LUZP2: variants seen among roughly 807,000 people sequenced by gnomAD.
LUZP2 encodes the protein leucine zipper protein 2.
A neutral mutation model predicts 51.6 loss-of-function variants in LUZP2; 52 were observed. That is an observed-to-expected ratio of 1.01 (90% CI 0.81 to 1.27). The LOEUF (loss-of-function observed/expected upper bound fraction) is 1.27, where lower values mean the gene tolerates loss of function less well. LUZP2 is among the 50% of genes most tolerant of loss of function. The pLI is 0.00. For missense variants in LUZP2, 436 were observed against 395.4 expected (o/e 1.10, Z -0.87); for synonymous variants, 154 against 137.3 (o/e 1.12, Z -0.85).
intron 5 of LUZP2, among the ~76,000 whole-genome samples, chr11:24,888,655 A>G (rs986146313): frequency 2.0e-5 from 3 of 152,142 alleles, no homozygotes; most frequent in African/African-American, 7.2e-5. Flanking sequence ...TAAGCTAACC[A>G]ACACCTGAAC....
At chr11:24,963,299 C>G (rs1446335155) in intron 7 of LUZP2, among the ~76,000 whole-genome samples, 1 of 152,180 alleles carries the variant, frequency 6.6e-6, no homozygotes, top group Non-Finnish European at 1.5e-5. Context: ...TCAAAGCTGT[C>G]AGACAGGGAC....
intron 1 of LUZP2, among the ~76,000 whole-genome samples, chr11:24,509,595 A>G (rs1413121334): frequency 6.7e-6 from 1 of 149,606 alleles, no homozygotes; most frequent in African/African-American, 2.4e-5. Flanking sequence ...TTTTCTGAAT[A>G]CTTATCCTTA....
intron 1 of LUZP2, among the ~76,000 whole-genome samples, chr11:24,536,252 C>T (rs1851174811): frequency 2.0e-5 from 3 of 151,778 alleles, no homozygotes; most frequent in Admixed American, 6.6e-5. Context: ...CTTAAAGTCA[C>T]TAGCTGCTTT....
intron 5 of LUZP2, among the ~76,000 whole-genome samples, chr11:24,793,064 A>G (rs1352705786): frequency 6.6e-6 from 1 of 152,160 alleles, no homozygotes; most frequent in Non-Finnish European, 1.5e-5. Context: ...CAAATTATTA[A>G]CTGTGGATTT....
chr11:24,629,164 T>C (rs1854789268), intron 1 of LUZP2, among the ~76,000 whole-genome samples: 1 of 151,964 alleles, frequency 6.6e-6, no homozygotes, highest in African/African-American at 2.4e-5. Flanking sequence ...AAATCAGAGC[T>C]TTAAGGGTAT....
chr11:24,638,333 T>C (rs1414580792), intron 1 of LUZP2, among the ~76,000 whole-genome samples: 1 of 151,628 alleles, frequency 6.6e-6, no homozygotes, highest in Non-Finnish European at 1.5e-5. Flanking sequence ...ATACTAGAAA[T>C]TTAATAAAAA....
intron 5 of LUZP2, among the ~76,000 whole-genome samples, chr11:24,871,981 T>C (rs1852092069): frequency 6.6e-6 from 1 of 152,050 alleles, no homozygotes. Context: ...TAGTTCCATT[T>C]GACTCTGGTT....
At chr11:25,077,791 C>G (rs529811239) in intron 11 of LUZP2, among the ~76,000 whole-genome samples, 1 of 152,054 alleles carries the variant, frequency 6.6e-6, no homozygotes, top group Admixed American at 6.6e-5. Context: ...CCACCGCGCC[C>G]GACCAGATCC....
chr11:24,572,366 G>A (rs1433618898), intron 1 of LUZP2, among the ~76,000 whole-genome samples: 1 of 151,806 alleles, frequency 6.6e-6, no homozygotes, highest in Non-Finnish European at 1.5e-5. Flanking sequence ...AGTAATACAG[G>A]TCTCAAGCAA....
intron 7 of LUZP2, among the ~76,000 whole-genome samples, chr11:24,935,893 A>G (rs960740111): frequency 3.9e-5 from 6 of 152,178 alleles, no homozygotes; most frequent in African/African-American, 1.4e-4. Context: ...GGTGATGCCA[A>G]TATAATTTCA....
At chr11:24,838,319 A>G (rs1211933394) in intron 5 of LUZP2, among the ~76,000 whole-genome samples, 1 of 151,638 alleles carries the variant, frequency 6.6e-6, no homozygotes, top group Non-Finnish European at 1.5e-5. Flanking sequence ...CTCTTTTTGT[A>G]TACTTAACAA....
chr11:24,987,499 T>C (rs1014446860), intron 9 of LUZP2, among the ~76,000 whole-genome samples: 1 of 151,916 alleles, frequency 6.6e-6, no homozygotes, highest in Non-Finnish European at 1.5e-5. Context: ...TGTCACGCCA[T>C]CCCAGGCTAT....
chr11:24,561,535 A>G (rs1195018432), intron 1 of LUZP2, among the ~76,000 whole-genome samples: 1 of 152,086 alleles, frequency 6.6e-6, no homozygotes, highest in East Asian at 1.9e-4. Context: ...AAAGCTGGAA[A>G]CCATCATTCT....
intron 1 of LUZP2, among the ~76,000 whole-genome samples, chr11:24,515,759 A>G (rs950568198): frequency 1.3e-4 from 20 of 152,198 alleles, no homozygotes; most frequent in Admixed American, 1.3e-3. Flanking sequence ...CCAGTAGTGA[A>G]CAAGCACTGA....
intron 1 of LUZP2, among the ~76,000 whole-genome samples, chr11:24,582,299 ATTTTTTTTTT>A (rs67262111): frequency 2.2e-4 from 12 of 54,518 alleles, no homozygotes; most frequent in South Asian, 9.8e-4. Flanking sequence ...TCCCTAGCTG[ATTTTTTTTTT>A]TTTTTTTTTT....
At chr11:24,555,851 C>T (rs930788928) in intron 1 of LUZP2, among the ~76,000 whole-genome samples, 1 of 151,998 alleles carries the variant, frequency 6.6e-6, no homozygotes, top group Non-Finnish European at 1.5e-5. Flanking sequence ...TAATGGTGTG[C>T]GCCTGTAGTC....
intron 5 of LUZP2, among the ~76,000 whole-genome samples, chr11:24,863,770 T>C (rs192695756): frequency 1.4e-3 from 206 of 152,284 alleles, no homozygotes; most frequent in African/African-American, 4.2e-3. Flanking sequence ...GAGAAAAACA[T>C]TCATGTTCAT....
At chr11:24,678,078 G>C (rs1032045489) in intron 1 of LUZP2, among the ~76,000 whole-genome samples, 1 of 120,230 alleles carries the variant, frequency 8.3e-6, no homozygotes, top group East Asian at 2.8e-4. Flanking sequence ...AGGAGAAAGG[G>C]GGGGGGGGGT....
At chr11:25,062,853 A>G (rs887680671) in intron 10 of LUZP2, among the ~76,000 whole-genome samples, 2 of 151,602 alleles carry the variant, frequency 1.3e-5, no homozygotes, top group Admixed American at 6.6e-5. Context: ...ACGTTGTCTT[A>G]ATGACCACAA....
Sources: gnomAD v4.1 joint callset for allele counts (sites outside exome capture counted in the v4.1 genomes callset) on GRCh38, gnomAD v4.1.1 for gene constraint, MANE v1.5 for transcripts, NCBI Gene and HGNC (gene_info 2026-07-23, HGNC 2026-07-21) for gene names.